The following ST6GALNAC3 variants were observed in gnomAD, a reference collection of about 807,000 sequenced individuals.
The protein encoded by ST6GALNAC3 is ST6 N-acetylgalactosaminide alpha-2,6-sialyltransferase 3.
Under a neutral mutation model 32.7 loss-of-function variants are expected in ST6GALNAC3, and 25 were observed. That is an observed-to-expected ratio of 0.76 (90% CI 0.56 to 1.07). The LOEUF is 1.07. Ranked by LOEUF, ST6GALNAC3 falls within the 50% of genes least tolerant of loss-of-function variation. The probability of loss-of-function intolerance (pLI) is 0.00; values close to 1 mark genes in which losing one functional copy is unlikely to be tolerated. For missense variants in ST6GALNAC3, 355 were observed against 382.4 expected, an observed-to-expected ratio of 0.93 and a Z score of 0.60; for synonymous variants, 129 against 133.1, an observed-to-expected ratio of 0.97 and a Z score of 0.21.
chr1:76,530,706 GGATCCTTACAAAACA>G (rs1386211496), intron 3 of ST6GALNAC3, among the ~76,000 whole-genome samples: 10 of 152,146 alleles, frequency 6.6e-5, no homozygotes, highest in Admixed American at 5.9e-4. Context: ...GAAACTTAAA[GGATCCTTACAAAACA>G]AATGCTATAA....
At chr1:76,116,391 T>C (rs1389094728) in intron 1 of ST6GALNAC3, among the ~76,000 whole-genome samples, 1 of 152,094 alleles carries the variant, frequency 6.6e-6, no homozygotes, top group African/African-American at 2.4e-5. Flanking sequence ...CACCTCTCCT[T>C]TAGCTCCCTT....
intron 1 of ST6GALNAC3, among the ~76,000 whole-genome samples, chr1:76,198,947 A>G (rs148276922): frequency 6.6e-6 from 1 of 152,262 alleles, no homozygotes; most frequent in East Asian, 1.9e-4. Context: ...GTCCTGGGTG[A>G]CACCAGGTAG....
At chr1:76,138,294 G>A (rs906087915) in intron 1 of ST6GALNAC3, among the ~76,000 whole-genome samples, 1 of 152,136 alleles carries the variant, frequency 6.6e-6, no homozygotes, top group African/African-American at 2.4e-5. Flanking sequence ...AACCCTTAGT[G>A]CTTTTGTGAG....
At chr1:76,574,963 G>C (rs1646777568) in intron 3 of ST6GALNAC3, among the ~76,000 whole-genome samples, 1 of 152,068 alleles carries the variant, frequency 6.6e-6, no homozygotes, top group South Asian at 2.1e-4. Flanking sequence ...CCTAAGCTCT[G>C]TCTTCCATAG....
rs188503367 is a variant in ST6GALNAC3, at chr1:76,478,190, T to C, written c.623+65773T>C. 1.7e-3 allele frequency among the ~76,000 whole-genome samples: 266 copies of C among 152,302 alleles called. 2 individuals carry two copies. Among genetic ancestry groups the C allele is most frequent in the African/African-American group, 6.1e-3 (254 of 41,574 alleles). ...ATCTGATTCTCTGCTGTTTGCCTGG[T>C]CTTGGACTAATTTCCCTTTAGCCCA... is the stretch of plus-strand genomic sequence containing the variant. On this transcript the variant is annotated intron_variant, in intron 3 of 4. Transcript: ENST00000328299.
chr1:76,583,503 T>G (rs1420718541), intron 3 of ST6GALNAC3, among the ~76,000 whole-genome samples: 2 of 152,126 alleles, frequency 1.3e-5, no homozygotes, highest in East Asian at 3.9e-4. Context: ...AAAACATCCC[T>G]GTAGGATTGC....
chr1:76,292,527 C>A (rs546643123), intron 1 of ST6GALNAC3, among the ~76,000 whole-genome samples: 1 of 152,102 alleles, frequency 6.6e-6, no homozygotes, highest in African/African-American at 2.4e-5. Flanking sequence ...TGTATAAGTA[C>A]CAGTAAGTAA....
chr1:76,307,780 AATAAAAAC>A (rs1489381081), intron 1 of ST6GALNAC3: 1 of 243,576 alleles, frequency 4.1e-6, no homozygotes, highest in East Asian at 1.0e-4. Flanking sequence ...CAGTAGAAAG[AATAAAAAC>A]ATATACATAT....
chr1:76,263,560 A>G (rs1449375209), intron 1 of ST6GALNAC3, among the ~76,000 whole-genome samples: 2 of 152,188 alleles, frequency 1.3e-5, no homozygotes, highest in Non-Finnish European at 2.9e-5. Flanking sequence ...AAAGAAGATC[A>G]TTGAGATGTG....
chr1:76,530,719 A>C (rs550831460), intron 3 of ST6GALNAC3, among the ~76,000 whole-genome samples: 1 of 152,298 alleles, frequency 6.6e-6, no homozygotes, highest in East Asian at 1.9e-4. Flanking sequence ...TCCTTACAAA[A>C]CAAATGCTAT....
chr1:76,605,215 T>C (rs1647446982), intron 3 of ST6GALNAC3, among the ~76,000 whole-genome samples: 1 of 152,164 alleles, frequency 6.6e-6, no homozygotes, highest in Non-Finnish European at 1.5e-5. Context: ...CAGATGTTGA[T>C]AGAAGATGAT....
intron 2 of ST6GALNAC3, among the ~76,000 whole-genome samples, chr1:76,362,198 G>A (rs1650015253): frequency 6.6e-6 from 1 of 152,020 alleles, no homozygotes; most frequent in African/African-American, 2.4e-5. Flanking sequence ...AGAGGCGGAA[G>A]TGCTACACAT....
At chr1:76,182,485 G>A (rs1051530419) in intron 1 of ST6GALNAC3, among the ~76,000 whole-genome samples, 16 of 152,090 alleles carry the variant, frequency 1.1e-4, no homozygotes, top group African/African-American at 3.9e-4. Context: ...ATTCTTTTTA[G>A]AGATATGATT....
At chr1:76,224,308 G>C (rs1190946885) in intron 1 of ST6GALNAC3, among the ~76,000 whole-genome samples, 1 of 152,144 alleles carries the variant, frequency 6.6e-6, no homozygotes, top group Non-Finnish European at 1.5e-5. Context: ...CACTAAGTTT[G>C]TGGACAAGGA....
intron 3 of ST6GALNAC3, among the ~76,000 whole-genome samples, chr1:76,534,429 G>A (rs1490349497): frequency 6.6e-6 from 1 of 152,066 alleles, no homozygotes; most frequent in African/African-American, 2.4e-5. Flanking sequence ...TCTTCATAAT[G>A]TACACATCGA....
intron 3 of ST6GALNAC3, among the ~76,000 whole-genome samples, chr1:76,452,017 C>G (rs1285069330): frequency 1.3e-5 from 2 of 152,152 alleles, no homozygotes; most frequent in Non-Finnish European, 2.9e-5. Flanking sequence ...GAAATGCTTT[C>G]AACTTCTCCT....
intron 1 of ST6GALNAC3, among the ~76,000 whole-genome samples, chr1:76,109,320 T>C (rs560653296): frequency 1.3e-5 from 2 of 152,222 alleles, no homozygotes; most frequent in South Asian, 2.1e-4. Flanking sequence ...TAAAGTTGCA[T>C]TGTGTTTCCA....
At chr1:76,526,698 C>A (rs1662931461) in intron 3 of ST6GALNAC3, among the ~76,000 whole-genome samples, 1 of 152,088 alleles carries the variant, frequency 6.6e-6, no homozygotes, top group South Asian at 2.1e-4. Flanking sequence ...TCTTTTCTAA[C>A]CCAAACATAA....
chr1:76,242,336 T>C (rs764183948), intron 1 of ST6GALNAC3, among the ~76,000 whole-genome samples: 2 of 151,812 alleles, frequency 1.3e-5, no homozygotes, highest in Non-Finnish European at 2.9e-5. Flanking sequence ...TGAGCTAGAG[T>C]TGGGGGGAAG....
Sources: gnomAD v4.1 joint callset for allele counts (sites outside exome capture counted in the v4.1 genomes callset) on GRCh38, gnomAD v4.1.1 for gene constraint, MANE v1.5 for transcripts, NCBI Gene and HGNC (gene_info 2026-07-23, HGNC 2026-07-21) for gene names.